The following SNAP23 variants were observed in gnomAD, a reference collection of about 807,000 sequenced individuals.
The protein encoded by SNAP23 is synaptosomal-associated protein 23.
A neutral mutation model predicts 29.0 loss-of-function variants in SNAP23; 11 were observed. The ratio of observed to expected loss-of-function variants is 0.38; its 90% confidence interval spans 0.24 to 0.63. The LOEUF (loss-of-function observed/expected upper bound fraction) is 0.63. Ranked by LOEUF, SNAP23 falls within the 20% of genes least tolerant of loss-of-function variation. The pLI, the probability that SNAP23 is intolerant of heterozygous loss-of-function variation, is 0.58. For missense variants in SNAP23, 220 were observed against 253.9 expected (o/e 0.87, Z 0.91); for synonymous variants, 60 against 82.9 (o/e 0.72, Z 1.50).
chr15:42,504,708 C>T (rs1209523481), intron 1 of SNAP23, among the ~76,000 whole-genome samples: 1 of 152,118 alleles, frequency 6.6e-6, no homozygotes, highest in Non-Finnish European at 1.5e-5. Context: ...CCTTGTTTTA[C>T]AAATACAGAA....
rs370177492 is a variant in SNAP23, at chr15:42,520,520, T to A, written c.266+5166T>A. Among the ~76,000 whole-genome samples the A allele has an allele frequency of 1.4e-4, 21 of 152,148 alleles. No individual in the cohort carries two copies. In the East Asian group the frequency reaches 1.9e-3, roughly 14 times the overall value. ...TTTTATTTTTATTTTTTTGAGATGG[T>A]GTCTCGCTCTGTTGCCCAGGCTGGA... On this transcript the variant is annotated intron_variant, in intron 5 of 7. Transcript: ENST00000249647.
intron 5 of SNAP23, among the ~76,000 whole-genome samples, chr15:42,524,340 ACTAT>A (rs1249951205): frequency 6.6e-6 from 1 of 152,134 alleles, no homozygotes; most frequent in Non-Finnish European, 1.5e-5. Flanking sequence ...AGTGCAGCCT[ACTAT>A]CTATGTGTTC....
intron 5 of SNAP23, among the ~76,000 whole-genome samples, chr15:42,516,126 A>G (rs1472176684): frequency 6.6e-6 from 1 of 152,212 alleles, no homozygotes; most frequent in Non-Finnish European, 1.5e-5. Context: ...AAAAGAAACG[A>G]CAGTATCTGG....
At chr15:42,498,218 G>C (rs1161905640) in intron 1 of SNAP23, among the ~76,000 whole-genome samples, 1 of 152,174 alleles carries the variant, frequency 6.6e-6, no homozygotes, top group Non-Finnish European at 1.5e-5. Flanking sequence ...TGGGGATTCT[G>C]GGGGGTGGGC....
At chr15:42,525,028 A>G (rs1476198259) in intron 5 of SNAP23, among the ~76,000 whole-genome samples, 1 of 152,130 alleles carries the variant, frequency 6.6e-6, no homozygotes, top group Non-Finnish European at 1.5e-5. Context: ...TTTTTTCCCC[A>G]TCCCATTTGA....
intron 5 of SNAP23, chr15:42,522,053 G>C (rs530816173): frequency 6.3e-6 from 1 of 159,464 alleles, no homozygotes; most frequent in African/African-American, 2.4e-5. Flanking sequence ...TGTCTTCATA[G>C]ACTTTGATTT....
At chr15:42,528,075 G>T (rs941315854) in intron 5 of SNAP23, 187 bp from the exon 6 acceptor site, 8 of 526,408 alleles carry the variant, frequency 1.5e-5, no homozygotes, top group Admixed American at 6.2e-5. Context: ...GTGTCAATGG[G>T]TTTACATAAT....
upstream of SNAP23, chr15:42,495,140 G>C (rs1433467804): frequency 1.3e-5 from 2 of 152,182 alleles, no homozygotes; most frequent in African/African-American, 4.8e-5. Flanking sequence ...GAAAACTCTA[G>C]CTCTTTCTCT....
chr15:42,508,401 A>G (rs1459640803), intron 1 of SNAP23, among the ~76,000 whole-genome samples: 3 of 152,162 alleles, frequency 2.0e-5, no homozygotes, highest in East Asian at 3.8e-4. Flanking sequence ...ACTGAATCCA[A>G]CCCTCTGAGC....
upstream of SNAP23, among the ~76,000 whole-genome samples, chr15:42,493,326 A>C (rs2057189575): frequency 6.6e-6 from 1 of 151,696 alleles, no homozygotes; most frequent in African/African-American, 2.4e-5. Flanking sequence ...GCAACAGAGC[A>C]AGACCTTCTC....
At chr15:42,492,329 C>G (rs947288747), upstream of SNAP23, among the ~76,000 whole-genome samples, 2 of 152,094 alleles carry the variant, frequency 1.3e-5, no homozygotes, top group South Asian at 4.1e-4. Flanking sequence ...GAGTGTCCCT[C>G]CTATATTATT....
At chr15:42,506,206 A>G in intron 1 of SNAP23, among the ~76,000 whole-genome samples, 1 of 149,652 alleles carries the variant, frequency 6.7e-6, no homozygotes, top group South Asian at 2.1e-4. Flanking sequence ...CGGCCTCCCA[A>G]AGTGCTGGGA....
rs1299971538 is a variant in SNAP23, at chr15:42,531,489, GTTC to G, written c.*17_*19del. 2.6e-5 allele frequency: 42 copies of G among 1,591,012 alleles called. No individual in the cohort carries two copies. The highest frequency in any genetic ancestry group is 3.2e-5 in the Non-Finnish European group (37 of 1,167,310). ...CTCATTGACAGCTAAAGCTACTGCT[GTTC>G]TTCTTTATCATTTATTCACTTCCGT... On this transcript the variant is annotated 3_prime_UTR_variant, in exon 8 of 8. Transcript: ENST00000249647.
intron 1 of SNAP23, among the ~76,000 whole-genome samples, chr15:42,498,978 A>C (rs1226836151): frequency 6.6e-6 from 1 of 152,192 alleles, no homozygotes; most frequent in South Asian, 2.1e-4. Context: ...CCAAATAAAC[A>C]GTGGAATTCC....
chr15:42,519,584 G>T (rs1216713792), intron 5 of SNAP23, among the ~76,000 whole-genome samples: 4 of 151,610 alleles, frequency 2.6e-5, no homozygotes. Context: ...TGGCCAGGAT[G>T]GTCTTGAACT....
chr15:42,508,314 A>C (rs1442424952), intron 1 of SNAP23, among the ~76,000 whole-genome samples: 1 of 152,020 alleles, frequency 6.6e-6, no homozygotes, highest in Admixed American at 6.6e-5. Flanking sequence ...GTATTCATAC[A>C]TGCAAAACTC....
At chr15:42,506,984 A>C (rs1246682738) in intron 1 of SNAP23, among the ~76,000 whole-genome samples, 1 of 151,884 alleles carries the variant, frequency 6.6e-6, no homozygotes, top group East Asian at 1.9e-4. Context: ...TGCCCAGCTA[A>C]TTTTTTGATT....
At chr15:42,499,161 C>T (rs899403107) in intron 1 of SNAP23, among the ~76,000 whole-genome samples, 10 of 152,022 alleles carry the variant, frequency 6.6e-5, no homozygotes, top group African/African-American at 2.4e-4. Flanking sequence ...CTCCACCTCC[C>T]GGGTTCAAGC....
intron 5 of SNAP23, chr15:42,521,606 A>C (rs1051290607): frequency 4.6e-6 from 7 of 1,531,506 alleles, no homozygotes; most frequent in Non-Finnish European, 6.1e-6. Flanking sequence ...TGCTTACTAA[A>C]AATGAAGATT....
Sources: allele counts gnomAD v4.1 joint callset (sites outside exome capture counted in the v4.1 genomes callset), GRCh38; gene constraint gnomAD v4.1.1; transcripts MANE v1.5; gene names NCBI Gene and HGNC (gene_info 2026-07-23, HGNC 2026-07-21).